AK6: variants seen among roughly 807,000 people sequenced by gnomAD.
AK6 encodes the protein adenylate kinase 6, also known as adenylate kinase isoenzyme 6.
A neutral mutation model predicts 23.7 loss-of-function variants in AK6; 24 were observed. That is an observed-to-expected ratio of 1.01 (90% CI 0.73 to 1.43). The LOEUF (loss-of-function observed/expected upper bound fraction) is 1.43, where lower values mean the gene tolerates loss of function less well. Among genes scored for constraint, AK6 ranks in the 40% most tolerant of loss-of-function variants. The pLI, the probability that AK6 is intolerant of heterozygous loss-of-function variation, is 0.00. For missense variants in AK6, 191 were observed against 199.1 expected, an observed-to-expected ratio of 0.96 and a Z score of 0.24; for synonymous variants, 73 against 69.8, an observed-to-expected ratio of 1.05 and a Z score of -0.23.
chr5:69,369,784 T>TA (rs1204146142), upstream of AK6: 3 of 1,399,724 alleles, frequency 2.1e-6, no homozygotes, highest in Non-Finnish European at 3.0e-6. Flanking sequence ...GCCCTTCGCT[T>TA]GCGCCGACCA....
intron 1 of AK6, chr5:69,369,243 C>CCCCCCCCCCCCCCCCCCCCCCCA: frequency 3.8e-6 from 1 of 261,300 alleles, no homozygotes; most frequent in Non-Finnish European, 7.1e-6. Context: ...CCCGCCCCCC[C>CCCCCCCCCCCCCCCCCCCCCCCA]CCGGAGCCTC....
intron 1 of AK6, 37 bp downstream of exon 1, chr5:69,369,426 T>C (rs369731470): frequency 1.1e-4 from 184 of 1,604,348 alleles, no homozygotes; most frequent in Non-Finnish European, 1.0e-4. Context: ...GCCCCCAGCC[T>C]GCCCCAGCCC....
chr5:69,359,203 G>C (rs1442231136), intron 2 of AK6, among the ~76,000 whole-genome samples: 1 of 151,196 alleles, frequency 6.6e-6, no homozygotes, highest in Non-Finnish European at 1.5e-5. Flanking sequence ...CTGTATTCCA[G>C]TTAGGGTGAC....
chr5:69,353,211 G>C (rs1275839301), intron 4 of AK6, among the ~76,000 whole-genome samples: 1 of 152,128 alleles, frequency 6.6e-6, no homozygotes, highest in African/African-American at 2.4e-5. Context: ...TAAAGACAGA[G>C]AGTAGATTAT....
At chr5:69,366,671 T>C in intron 1 of AK6, 76 bp from the exon 2 acceptor site, 2 of 1,111,364 alleles carry the variant, frequency 1.8e-6, no homozygotes, top group South Asian at 2.5e-5. Context: ...CTGCCTTTCC[T>C]TTTATTTTTG....
At chr5:69,353,587 C>A (rs1371602584) in intron 4 of AK6, among the ~76,000 whole-genome samples, 1 of 152,038 alleles carries the variant, frequency 6.6e-6, no homozygotes, top group Non-Finnish European at 1.5e-5. Context: ...TGAGCCACCG[C>A]GCCCACCCCC....
intron 2 of AK6, chr5:69,365,883 CAT>C (rs1254617030): frequency 5.1e-6 from 3 of 592,818 alleles, no homozygotes; most frequent in East Asian, 3.2e-5. Flanking sequence ...AAATTTAAAC[CAT>C]ATGTTTTCTT....
At chr5:69,365,239 G>C (rs149658269) in intron 2 of AK6, 1 of 1,614,080 alleles carries the variant, frequency 6.2e-7, no homozygotes, top group Non-Finnish European at 8.5e-7. Flanking sequence ...ATGGTCTGTG[G>C]GGTTGGTGTG....
intron 2 of AK6, among the ~76,000 whole-genome samples, chr5:69,360,872 C>A (rs1295251652): frequency 1.3e-5 from 2 of 152,148 alleles, no homozygotes; most frequent in Admixed American, 1.3e-4. Context: ...AGCTTGCCAA[C>A]CCCTAGGTTA....
At chr5:69,365,760 G>C in intron 2 of AK6, 1 of 1,498,870 alleles carries the variant, frequency 6.7e-7, no homozygotes, top group Non-Finnish European at 8.9e-7. Flanking sequence ...TCAGACTTTA[G>C]ATCATTTGAA....
rs778729923 is a variant in AK6 at position 69,366,488 on chromosome 5, C to T, written c.121+15G>A. 7 of 1,604,296 alleles carry T rather than the reference C, an allele frequency of 4.4e-6. No individual in the cohort carries two copies. Among genetic ancestry groups the T allele is most frequent in the South Asian group, 1.1e-5 (1 of 90,186 alleles). ...AAAAAAAACAAAACAAATCTAACAC[C>T]AAAGTGTCCCTTACCTTCTCGAGCT... On this transcript the variant is annotated intron_variant, in intron 2 of 4. Transcript: ENST00000380822.
intron 2 of AK6, among the ~76,000 whole-genome samples, chr5:69,361,609 T>A (rs1762239188): frequency 6.6e-6 from 1 of 151,314 alleles, no homozygotes; most frequent in South Asian, 2.1e-4. Context: ...GGACTGATTT[T>A]TTTTTTTTTT....
intron 2 of AK6, among the ~76,000 whole-genome samples, chr5:69,360,397 A>G (rs1481564184): frequency 2.0e-5 from 3 of 152,158 alleles, no homozygotes; most frequent in African/African-American, 7.2e-5. Context: ...AAATCAGAGG[A>G]GTGGGCAAGT....
At chr5:69,367,538 TCAATTA>T (rs1042323448) in intron 1 of AK6, among the ~76,000 whole-genome samples, 12 of 150,582 alleles carry the variant, frequency 8.0e-5, no homozygotes, top group Non-Finnish European at 1.5e-4. Flanking sequence ...CCACCTCGAA[TCAATTA>T]CAATAATTTA....
At chr5:69,353,821 G>A (rs1762013479) in intron 4 of AK6, among the ~76,000 whole-genome samples, 1 of 152,120 alleles carries the variant, frequency 6.6e-6, no homozygotes, top group African/African-American at 2.4e-5. Context: ...CCAGGCTGGA[G>A]TGCAGTGGTG....
intron 2 of AK6, chr5:69,365,266 T>C (rs1164562731): frequency 6.2e-7 from 1 of 1,614,090 alleles, no homozygotes; most frequent in Admixed American, 1.7e-5. Context: ...GTGGGAGTAC[T>C]TGGTCTGCTA....
At chr5:69,356,822 TTAAA>T (rs1233260133) in intron 2 of AK6, among the ~76,000 whole-genome samples, 1 of 152,122 alleles carries the variant, frequency 6.6e-6, no homozygotes, top group Non-Finnish European at 1.5e-5. Flanking sequence ...CTCATAAGAG[TTAAA>T]TAGTCTCATT....
At chr5:69,359,233 A>G (rs1580308760) in intron 2 of AK6, among the ~76,000 whole-genome samples, 1 of 151,952 alleles carries the variant, frequency 6.6e-6, no homozygotes, top group African/African-American at 2.4e-5. Flanking sequence ...TTGTCTCAAA[A>G]AAAAAAAAAT....
chr5:69,368,324 C>T (rs1219276952), intron 1 of AK6, among the ~76,000 whole-genome samples: 1 of 152,082 alleles, frequency 6.6e-6, no homozygotes, highest in Non-Finnish European at 1.5e-5. Flanking sequence ...TTTAACATCC[C>T]TGAAATTAAA....
Sources: allele counts gnomAD v4.1 joint callset (sites outside exome capture counted in the v4.1 genomes callset), GRCh38; gene constraint gnomAD v4.1.1; transcripts MANE v1.5; gene names NCBI Gene and HGNC (gene_info 2026-07-23, HGNC 2026-07-21).